The following CDH9 variants were observed in gnomAD, a reference collection of about 807,000 sequenced individuals.
CDH9 encodes the protein cadherin 9.
CDH9 carries 28 observed loss-of-function variants against 70.9 expected under a neutral mutation model. That is an observed-to-expected ratio of 0.40 (90% CI 0.29 to 0.54). The LOEUF (loss-of-function observed/expected upper bound fraction) is 0.54, where lower values mean the gene tolerates loss of function less well. Ranked by LOEUF, CDH9 falls within the 20% of genes least tolerant of loss-of-function variation. The pLI is 0.59. For missense variants in CDH9, 874 were observed against 984.4 expected (o/e 0.89, Z 1.50); for synonymous variants, 409 against 343.1 (o/e 1.19, Z -2.12).
chr5:26,910,235 C>CTATG (rs773960704), intron 3 of CDH9, among the ~76,000 whole-genome samples: 1 of 140,908 alleles, frequency 7.1e-6, no homozygotes, highest in Non-Finnish European at 1.6e-5. Context: ...ATCTATCTAT[C>CTATG]TATCTATCTA....
At chr5:26,998,410 G>A (rs748168328) in intron 1 of CDH9, among the ~76,000 whole-genome samples, 5 of 152,068 alleles carry the variant, frequency 3.3e-5, no homozygotes, top group Non-Finnish European at 7.4e-5. Context: ...AAAAAATGAT[G>A]AGTTCATGTC....
At chr5:26,925,270 G>C (rs954896456) in intron 2 of CDH9, among the ~76,000 whole-genome samples, 2 of 151,882 alleles carry the variant, frequency 1.3e-5, no homozygotes, top group African/African-American at 4.8e-5. Flanking sequence ...AGTATCTCGT[G>C]GTTTTGATTT....
At chr5:26,905,571 G>T (rs905039142) in intron 5 of CDH9, among the ~76,000 whole-genome samples, 2 of 152,128 alleles carry the variant, frequency 1.3e-5, no homozygotes, top group Non-Finnish European at 2.9e-5. Flanking sequence ...CACAGGATTT[G>T]AATCCAGATA....
At chr5:27,004,895 G>A (rs1264233544) in intron 1 of CDH9, among the ~76,000 whole-genome samples, 1 of 151,372 alleles carries the variant, frequency 6.6e-6, no homozygotes, top group Non-Finnish European at 1.5e-5. Flanking sequence ...ATATTACATA[G>A]TTATTAAAAA....
intron 1 of CDH9, among the ~76,000 whole-genome samples, chr5:26,997,291 G>A (rs896746975): frequency 1.6e-4 from 24 of 151,778 alleles, no homozygotes; most frequent in Non-Finnish European, 2.1e-4. Flanking sequence ...GTGTGTGTGT[G>A]TATATATGTC....
intron 1 of CDH9, among the ~76,000 whole-genome samples, chr5:27,036,240 A>G (rs979704870): frequency 6.6e-6 from 1 of 151,892 alleles, no homozygotes; most frequent in Non-Finnish European, 1.5e-5. Context: ...TGAATGTACC[A>G]TGGACGGGAC....
At chr5:26,955,955 G>A (rs1015927382) in intron 2 of CDH9, among the ~76,000 whole-genome samples, 2 of 152,190 alleles carry the variant, frequency 1.3e-5, no homozygotes, top group Non-Finnish European at 2.9e-5. Context: ...CCTAGTGTTT[G>A]AAAGTGAGTT....
intron 2 of CDH9, among the ~76,000 whole-genome samples, chr5:26,963,329 T>C (rs1438673271): frequency 2.0e-5 from 3 of 152,104 alleles, no homozygotes; most frequent in South Asian, 2.1e-4. Context: ...AGGTGCGAAA[T>C]TGGACTAGTT....
intron 2 of CDH9, among the ~76,000 whole-genome samples, chr5:26,976,501 G>A (rs1282516555): frequency 6.6e-6 from 1 of 151,986 alleles, no homozygotes; most frequent in Non-Finnish European, 1.5e-5. Context: ...GCAGTGGTGC[G>A]ATCTTGGCTG....
intron 2 of CDH9, among the ~76,000 whole-genome samples, chr5:26,916,425 C>T (rs564205916): frequency 1.6e-3 from 236 of 151,988 alleles, no homozygotes; most frequent in African/African-American, 4.0e-3. Context: ...GTGGGGGATA[C>T]ATTTTATAAG....
At chr5:26,881,729 C>T (rs552293046) in intron 11 of CDH9, 106 bp from the exon 12 acceptor site, 14 of 1,029,572 alleles carry the variant, frequency 1.4e-5, no homozygotes, top group Admixed American at 2.7e-5. Context: ...TAAGATTGAT[C>T]GAATAAAAAG....
intron 2 of CDH9, among the ~76,000 whole-genome samples, chr5:26,942,400 G>A (rs766326234): frequency 3.9e-5 from 6 of 152,032 alleles, no homozygotes; most frequent in Non-Finnish European, 8.8e-5. Context: ...ATCCATAAAT[G>A]GGTTAATCCA....
At chr5:26,994,288 T>C (rs1011067829) in intron 1 of CDH9, among the ~76,000 whole-genome samples, 2 of 152,076 alleles carry the variant, frequency 1.3e-5, no homozygotes, top group Non-Finnish European at 2.9e-5. Context: ...AATGAATGTG[T>C]TTTATATGTG....
At chr5:27,003,453 A>G (rs1194899135) in intron 1 of CDH9, among the ~76,000 whole-genome samples, 2 of 152,086 alleles carry the variant, frequency 1.3e-5, no homozygotes, top group Non-Finnish European at 2.9e-5. Flanking sequence ...GAAACAAATA[A>G]CTTTCCAGTG....
intron 2 of CDH9, among the ~76,000 whole-genome samples, chr5:26,944,176 C>T (rs1248825533): frequency 6.6e-6 from 1 of 151,756 alleles, no homozygotes; most frequent in Non-Finnish European, 1.5e-5. Context: ...TTTACTTCCT[C>T]CAATGTAATC....
intron 1 of CDH9, among the ~76,000 whole-genome samples, chr5:27,017,122 T>C (rs1025464491): frequency 1.3e-5 from 2 of 151,866 alleles, no homozygotes; most frequent in Non-Finnish European, 2.9e-5. Context: ...GTCATATATA[T>C]GTCAAAGTAC....
intron 2 of CDH9, among the ~76,000 whole-genome samples, chr5:26,923,893 A>G (rs1316546440): frequency 1.3e-5 from 2 of 152,074 alleles, no homozygotes; most frequent in African/African-American, 4.8e-5. Flanking sequence ...TACAGAATAC[A>G]GAAAAAGCAA....
chr5:26,967,497 C>G (rs1285981244), intron 2 of CDH9, among the ~76,000 whole-genome samples: 1 of 152,116 alleles, frequency 6.6e-6, no homozygotes, highest in African/African-American at 2.4e-5. Flanking sequence ...TATTTAATTA[C>G]TGTAATTACC....
intron 7 of CDH9, among the ~76,000 whole-genome samples, chr5:26,891,460 C>T (rs771164703): frequency 1.9e-4 from 29 of 152,032 alleles, no homozygotes; most frequent in Non-Finnish European, 3.5e-4. Context: ...AGTGGATCAT[C>T]TGAAGTCAGG....
Sources: allele counts gnomAD v4.1 joint callset (sites outside exome capture counted in the v4.1 genomes callset), GRCh38; gene constraint gnomAD v4.1.1; transcripts MANE v1.5; gene names NCBI Gene and HGNC (gene_info 2026-07-23, HGNC 2026-07-21).